Variants in LAMA3 observed in about 807,000 individuals in gnomAD.
LAMA3 encodes the protein laminin subunit alpha-3.
Under a neutral mutation model 402.0 loss-of-function variants are expected in LAMA3, and 281 were observed. That is an observed-to-expected ratio of 0.70 (90% CI 0.63 to 0.77). The LOEUF is 0.77. Ranked by LOEUF, LAMA3 falls within the 30% of genes least tolerant of loss-of-function variation. LAMA3 has a pLI of 0.00. For missense variants in LAMA3, 3,840 were observed against 4,215.5 expected, an observed-to-expected ratio of 0.91 and a Z score of 2.47; for synonymous variants, 1,431 against 1,558.4, an observed-to-expected ratio of 0.92 and a Z score of 1.93.
rs185428363 is a variant in LAMA3, at chr18:23,764,615, A to G, written c.1182+1092A>G. Among the ~76,000 whole-genome samples the G allele has an allele frequency of 2.3e-3, 304 of 130,258 alleles. 1 individual carries two copies. Among genetic ancestry groups the G allele is most frequent in the African/African-American group, 8.4e-3 (294 of 34,846 alleles). 85.5% of individuals were successfully genotyped at this position (130,258 alleles called of 152,430 possible). ...AAAAACATTTTTTTTTTTTTTGCTT[A>G]TGAAATTACTGAACTGTTATTTGGG... On this transcript the variant is annotated intron_variant, in intron 8 of 74. Transcript: ENST00000313654.
intron 42 of LAMA3, among the ~76,000 whole-genome samples, chr18:23,894,084 G>A (rs890922853): frequency 2.0e-5 from 3 of 152,114 alleles, no homozygotes; most frequent in African/African-American, 7.2e-5. Flanking sequence ...GGAGGGAAAA[G>A]GAAGAGCTAG....
intron 67 of LAMA3, among the ~76,000 whole-genome samples, chr18:23,935,394 T>C (rs2082281409): frequency 6.6e-6 from 1 of 152,200 alleles, no homozygotes; most frequent in Non-Finnish European, 1.5e-5. Context: ...CTTCAGCAGA[T>C]AGGGTGGGAC....
rs760429595 is a variant in LAMA3 at position 23,773,541 on chromosome 18, T to C, written c.1227T>C (p.Tyr409=). 1.3e-6 allele frequency: 2 copies of C among 1,599,398 alleles called. No homozygotes were observed. Among genetic ancestry groups the C allele is most frequent in the Non-Finnish European group, 1.7e-6 (2 of 1,171,102 alleles). Reference sequence around the variant, plus strand: ...ACTGTGAACAGTGTGCTAAGGGCTATTACCGCCCTTATGGGGTTCCAGTGG... The same window carrying C: ...ACTGTGAACAGTGTGCTAAGGGCTACTACCGCCCTTATGGGGTTCCAGTGG... ...GVNCEQCAKG[Y]YRPYGVPVDA... Residue 409 remains tyrosine, a synonymous_variant, in exon 9 of 75, where the codon TAT becomes TAC. Transcript: ENST00000313654.
chr18:23,914,920 G>A, intron 58 of LAMA3, 60 bp downstream of exon 58: 1 of 1,324,490 alleles, frequency 7.6e-7, no homozygotes, highest in Non-Finnish European at 1.1e-6. Flanking sequence ...GTATGGTGAT[G>A]ACCTCATGTC....
chr18:23,883,344 T>A (rs1369434331), intron 40 of LAMA3, among the ~76,000 whole-genome samples: 2 of 152,188 alleles, frequency 1.3e-5, no homozygotes, highest in Non-Finnish European at 2.9e-5. Flanking sequence ...TCTCCTTAAG[T>A]GTGGCACTTT....
Position 23,783,951 on chromosome 18 carries a change from C to T in LAMA3, c.1469-72C>T, listed in dbSNP as rs1354387270. On this transcript the variant is annotated intron_variant, in intron 11 of 74. Coordinates refer to ENST00000313654, the MANE Select transcript of LAMA3 (RefSeq NM_198129.4). ...TAATCTATATTCCCATGATAGAAAC[C>T]TAGGGGAAGGGAGAAATTAAGAAAG... 9.6e-6 allele frequency: 15 copies of T among 1,561,292 alleles called. No individual in the cohort carries two copies. In the East Asian group the frequency reaches 1.8e-4, roughly 19 times the overall value.
chr18:23,907,569 C>A lies in LAMA3; in HGVS notation c.6738C>A (p.Asn2246Lys). ...KLKQEVSPAL[N>K]NLQQTLNIVT... is the part of the protein sequence containing the mutation. ...TTTTAGAAGTCAGTCCAGCTCTCAA[C>A]AACCTACAGCAAACCCTGAATATTG... The change falls in exon 53 of 75, where the codon AAC becomes AAA. Residue 2246 changes from asparagine (N) to lysine (K), a missense_variant. Physicochemically the swap from Asn to Lys is moderately conservative, Grantham distance 94 (BLOSUM62 0). Transcript: ENST00000313654. 6.2e-7 allele frequency: 1 copy of A among 1,613,490 alleles called. No homozygotes were observed. Among genetic ancestry groups the A allele is most frequent in the Non-Finnish European group, 8.5e-7 (1 of 1,179,434 alleles).
rs774453548 is a variant in LAMA3 at position 23,758,480 on chromosome 18, C to T, written c.1032C>T (p.Pro344=). The T allele has an allele frequency of 1.5e-5, 24 of 1,613,946 alleles. No individual in the cohort carries two copies. Among genetic ancestry groups the T allele is most frequent in the African/African-American group, 4.0e-5 (3 of 74,944 alleles). Residue 344 remains proline (P), a synonymous_variant, in exon 7 of 75, where the codon CCC becomes CCT. Transcript: ENST00000313654. Reference sequence around the variant, plus strand: ...GGTACAATCAGAGGCGCTGGCGGCCCGCCGCTTGGGAGCAGAGCCACGAGT... The same window carrying T: ...GGTACAATCAGAGGCGCTGGCGGCCTGCCGCTTGGGAGCAGAGCCACGAGT... ...CTGYNQRRWR[P]AAWEQSHECE...
chr18:23,928,901 T>C (rs984882629), intron 64 of LAMA3, 136 bp downstream of exon 64: 108 of 859,100 alleles, frequency 1.3e-4, no homozygotes, highest in Non-Finnish European at 2.0e-4. Context: ...TATTGTATAG[T>C]TCAACCATAA....
intron 12 of LAMA3, among the ~76,000 whole-genome samples, chr18:23,801,046 C>T (rs985433800): frequency 1.3e-5 from 2 of 151,868 alleles, no homozygotes; most frequent in East Asian, 1.9e-4. Flanking sequence ...AGATGCCCAT[C>T]GACAGTGAAC....
chr18:23,928,648 C>T lies in LAMA3; in HGVS notation c.8319C>T (p.Ser2773=). 6.2e-7 allele frequency: 1 copy of T among 1,613,930 alleles called. No homozygotes were observed. The highest frequency in any genetic ancestry group is 1.6e-4 in the Middle Eastern group (1 of 6,062). ...AGCTTGTGCGATCTGCCTCATTCTCCAGAGGAGGACAATTGAGTTTCACTG... is the reference window on the plus strand; with the variant it reads ...AGCTTGTGCGATCTGCCTCATTCTCTAGAGGAGGACAATTGAGTTTCACTG... ...DWKLVRSASF[S]RGGQLSFTDL... Residue 2773 remains serine (S), a synonymous_variant, in exon 64 of 75, where the codon TCC becomes TCT. Coordinates refer to ENST00000313654, the MANE Select transcript of LAMA3 (RefSeq NM_198129.4).
chr18:23,800,807 C>T (rs2062852455), intron 12 of LAMA3, among the ~76,000 whole-genome samples: 1 of 152,080 alleles, frequency 6.6e-6, no homozygotes, highest in Admixed American at 6.6e-5. Context: ...TGACATATTT[C>T]ATTTAACATA....
At chr18:23,804,237 C>T (rs1359216894) in intron 12 of LAMA3, among the ~76,000 whole-genome samples, 1 of 152,174 alleles carries the variant, frequency 6.6e-6, no homozygotes, top group Non-Finnish European at 1.5e-5. Flanking sequence ...CTTATGTGGG[C>T]CTGCTGAAGG....
chr18:23,807,490 CTGTGTGTGTA>C (rs2062986661), intron 12 of LAMA3, among the ~76,000 whole-genome samples: 2 of 149,304 alleles, frequency 1.3e-5, no homozygotes, highest in African/African-American at 5.0e-5. Flanking sequence ...GTGTGTGTGT[CTGTGTGTGTA>C]TGTGTGTGTA....
chr18:23,751,297 A>G (rs2061747926), intron 5 of LAMA3, among the ~76,000 whole-genome samples: 1 of 152,200 alleles, frequency 6.6e-6, no homozygotes, highest in African/African-American at 2.4e-5. Flanking sequence ...ATTATATTCA[A>G]AGAAGATGAA....
rs1437605366 is a variant in LAMA3 at position 23,879,395 on chromosome 18, A to T, written c.5113-2541A>T. 1.3e-5 allele frequency among the ~76,000 whole-genome samples: 2 copies of T among 151,856 alleles called. No individual in the cohort carries two copies. The highest frequency in any genetic ancestry group is 1.5e-5 in the Non-Finnish European group (1 of 67,944). ...CTTCCCTCACTTCTGCGCTCAGTGA[A>T]TCCCTGTCCTTCTGCGGCCCTCGCA... is the stretch of plus-strand genomic sequence containing the variant. On this transcript the variant is annotated intron_variant, in intron 39 of 74. Coordinates refer to ENST00000313654, the MANE Select transcript of LAMA3 (RefSeq NM_198129.4). This position sits in a 1 kb window ranked among gnomAD's most constrained non-coding sequence, Gnocchi z 4.2.
intron 1 of LAMA3, among the ~76,000 whole-genome samples, chr18:23,690,872 A>ATTATTTATTTATTTATTTAT (rs10665618): frequency 4.4e-5 from 6 of 136,994 alleles, no homozygotes; most frequent in East Asian, 2.2e-4. Context: ...AGGCCTGGCA[A>ATTATTTATTTATTTATTTAT]TTATTTATTT....
intron 35 of LAMA3, among the ~76,000 whole-genome samples, chr18:23,862,344 A>G (rs995677686): frequency 6.6e-6 from 1 of 152,186 alleles, no homozygotes; most frequent in Non-Finnish European, 1.5e-5. Flanking sequence ...AAGAGTTATT[A>G]TGCCAGAGGC....
In LAMA3 at chr18:23,689,787, C is replaced by A; in HGVS notation, c.104C>A (p.Thr35Asn). 6.5e-7 allele frequency: 1 copy of A among 1,533,080 alleles called. No homozygotes were observed. The highest frequency in any genetic ancestry group is 8.8e-7 in the Non-Finnish European group (1 of 1,140,964). 95.0% of individuals were successfully genotyped at this position (1,533,080 alleles called of 1,614,324 possible). Residue 35 changes from threonine to asparagine, a missense_variant, in exon 1 of 75, where the codon ACC (threonine) becomes AAC (asparagine). Physicochemically the swap from Thr to Asn is moderately conservative, Grantham distance 65. Transcript: ENST00000313654. ...CGGGTGCTGCCAGCCTGCGGGGCGA[C>A]CGCTCGGGATCCCGGGGCCGCGGCC... is the stretch of plus-strand genomic sequence containing the variant. ...VLRVLPACGATARDPGAAAGL... is the reference protein window; with the variant it reads ...VLRVLPACGANARDPGAAAGL...
Sources: gnomAD v4.1 joint callset for allele counts (sites outside exome capture counted in the v4.1 genomes callset) on GRCh38, gnomAD v4.1.1 for gene constraint, Gnocchi (gnomAD v3.1) non-coding constraint, MANE v1.5 for transcripts, NCBI Gene and HGNC (gene_info 2026-07-23, HGNC 2026-07-21) for gene names.